Variants in SMURF2 observed in about 807,000 individuals in gnomAD.
SMURF2 encodes E3 ubiquitin-protein ligase SMURF2.
A neutral mutation model predicts 109.6 loss-of-function variants in SMURF2; 48 were observed. The ratio of observed to expected loss-of-function variants is 0.44; its 90% CI spans 0.35 to 0.56. The LOEUF (loss-of-function observed/expected upper bound fraction) is 0.56, where lower values mean the gene tolerates loss of function less well. Among genes scored for constraint, SMURF2 ranks in the 20% least tolerant of loss-of-function variants. The pLI is 0.01. For synonymous variants in SMURF2, 288 were observed against 317.1 expected, an observed-to-expected ratio of 0.91 and a Z score of 0.97; for missense variants, 575 against 909.0, an observed-to-expected ratio of 0.63 and a Z score of 4.72.
chr17:64,655,188 A>T (rs1433328054), intron 1 of SMURF2, among the ~76,000 whole-genome samples: 2 of 151,934 alleles, frequency 1.3e-5, no homozygotes, highest in Non-Finnish European at 2.9e-5. Context: ...GAGAAAACTA[A>T]ATAAACTTAG....
intron 16 of SMURF2, among the ~76,000 whole-genome samples, chr17:64,550,876 A>C (rs1555683545): frequency 6.6e-6 from 1 of 152,176 alleles, no homozygotes; most frequent in Non-Finnish European, 1.5e-5. Context: ...TGTAAAACTA[A>C]TTCAGAGTAG....
rs1459279794 is a variant in SMURF2, at chr17:64,546,265, A to G, written c.2145T>C (p.Thr715=). Residue 715 remains threonine, a splice_region_variant and synonymous_variant, in exon 18 of 19, where the codon ACT becomes ACC. Coordinates refer to ENST00000262435, the MANE Select transcript of SMURF2 (RefSeq NM_022739.4). The part of the protein sequence containing the change: ...ACTNNLPKAH[T]CFNRIDIPPY... Reference sequence around the variant, plus strand: ...ATACAGCTACAAAAATACCTTACCAAGTGTGGGCTTTCGGCAGGTTGTTAG... The same window carrying G: ...ATACAGCTACAAAAATACCTTACCAGGTGTGGGCTTTCGGCAGGTTGTTAG... 1.9e-6 allele frequency: 3 copies of G among 1,614,040 alleles called. No individual in the cohort carries two copies. Among genetic ancestry groups the G allele is most frequent in the Non-Finnish European group, 2.5e-6 (3 of 1,179,916 alleles).
rs782576707 is a variant in SMURF2 at position 64,547,811 on chromosome 17, T to C, written c.1870-10A>G. On this transcript the variant is annotated splice_polypyrimidine_tract_variant and intron_variant, in intron 16 of 18. Transcript: ENST00000262435. The surrounding 1 kb of genome is among the most constrained non-coding windows in gnomAD (Gnocchi z 4.2). Reference sequence around the variant, plus strand: ...GTCCACAAATAATGAGCTGTGAAAATAGTACACAGTAATGAACCTGTGGAA... The same window carrying C: ...GTCCACAAATAATGAGCTGTGAAAACAGTACACAGTAATGAACCTGTGGAA... 10 of 1,613,352 alleles carry C rather than the reference T, an allele frequency of 6.2e-6. No individual in the cohort carries two copies. Among genetic ancestry groups the C allele is most frequent in the South Asian group, 1.1e-5 (1 of 91,080 alleles).
intron 1 of SMURF2, among the ~76,000 whole-genome samples, chr17:64,621,343 G>T (rs1315676095): frequency 6.6e-6 from 1 of 152,246 alleles, no homozygotes; most frequent in African/African-American, 2.4e-5. Context: ...ACTTTGGGAG[G>T]CTGAGGTGGG....
chr17:64,559,709 C>G (rs1296097787), intron 12 of SMURF2, among the ~76,000 whole-genome samples: 2 of 150,928 alleles, frequency 1.3e-5, no homozygotes, highest in African/African-American at 4.9e-5. Context: ...AGTTTGAGAC[C>G]AGCCTGGGCA....
chr17:64,556,456 C>T (rs1969120971), intron 13 of SMURF2, among the ~76,000 whole-genome samples: 1 of 152,150 alleles, frequency 6.6e-6, no homozygotes, highest in Admixed American at 6.5e-5. Context: ...ATTAGAATCA[C>T]GATTCTGCCA....
chr17:64,546,186 T>A, intron 18 of SMURF2, 77 bp downstream of exon 18: 4 of 1,410,518 alleles, frequency 2.8e-6, no homozygotes, highest in Non-Finnish European at 4.0e-6. Context: ...GTAAGTACAA[T>A]AAATAAAAAG....
At chr17:64,609,100 C>T (rs570653142) in intron 1 of SMURF2, among the ~76,000 whole-genome samples, 3 of 152,158 alleles carry the variant, frequency 2.0e-5, no homozygotes, top group African/African-American at 7.2e-5. Flanking sequence ...AACTACAAAC[C>T]ACTGCTCAAC....
chr17:64,623,560 T>C (rs1157986214), intron 1 of SMURF2, among the ~76,000 whole-genome samples: 1 of 152,232 alleles, frequency 6.6e-6, no homozygotes, highest in African/African-American at 2.4e-5. Context: ...TTTTATTCCA[T>C]CGCAAGCCAG....
In SMURF2 at chr17:64,562,917, A is replaced by G. The variant is rs139585337; in HGVS notation, c.1066T>C (p.Cys356Arg). 6.2e-7 allele frequency: 1 copy of G among 1,614,092 alleles called. No individual in the cohort carries two copies. Among genetic ancestry groups the G allele is most frequent in the African/African-American group, 1.3e-5 (1 of 74,948 alleles). Residue 356 changes from cysteine to arginine, a missense_variant, in exon 11 of 19, where the codon TGT (cysteine) becomes CGT (arginine). Coordinates refer to ENST00000262435, the MANE Select transcript of SMURF2 (RefSeq NM_022739.4). ...GTCAGGCATTCTGTGTCATCAGGAC[A>G]TAACGATACCACTTGCTGTTGCTGT... is the stretch of plus-strand genomic sequence containing the variant. ...DQQQQQVVSL[C>R]PDDTECLTVP... is the part of the protein sequence containing the mutation.
rs1447046758 is a variant in SMURF2 at position 64,621,305 on chromosome 17, C to T, written c.53-14665G>A. 1.3e-5 allele frequency among the ~76,000 whole-genome samples: 2 copies of T among 152,224 alleles called. 1 individual carries two copies. The highest frequency in any genetic ancestry group is 4.1e-4 in the South Asian group (2 of 4,832). On this transcript the variant is annotated intron_variant, in intron 1 of 18. Coordinates refer to ENST00000262435, the MANE Select transcript of SMURF2 (RefSeq NM_022739.4). ...ACTATAAAAAGCACTGTAGGCTGGG[C>T]GTGCTGGCTCACGCCTGTAATCCCA...
chr17:64,593,399 A>G (rs1969775047), intron 4 of SMURF2, 41 bp downstream of exon 4: 2 of 1,583,666 alleles, frequency 1.3e-6, no homozygotes, highest in Non-Finnish European at 1.7e-6. Context: ...ACACACACAC[A>G]TATATGTTTT....
chr17:64,598,545 AT>A, intron 2 of SMURF2, 55 bp from the exon 3 acceptor site: 1 of 1,396,892 alleles, frequency 7.2e-7, no homozygotes, highest in Non-Finnish European at 9.8e-7. Flanking sequence ...TAGAAGATTA[AT>A]TATACAAGCA....
rs1280781821 is a variant in SMURF2, at chr17:64,542,593, A to G, written c.*3255T>C. 2.0e-5 allele frequency: 3 copies of G among 152,134 alleles called. No homozygotes were observed. The highest frequency in any genetic ancestry group is 4.4e-5 in the Non-Finnish European group (3 of 68,032). The allele number at this position is 152,134 out of a possible 1,614,324, so 9.4% of individuals were successfully genotyped here. A position where few individuals can be genotyped will look rare whatever the true frequency, so the allele number is the denominator to read the frequency against. Reference sequence around the variant, plus strand: ...TGGAACAATCATCCTAACATGTTAAATACCACAAATGGCACCCGTTGACTG... The same window carrying G: ...TGGAACAATCATCCTAACATGTTAAGTACCACAAATGGCACCCGTTGACTG... On this transcript the variant is annotated 3_prime_UTR_variant, in exon 19 of 19. Coordinates refer to ENST00000262435, the MANE Select transcript of SMURF2 (RefSeq NM_022739.4).
At chr17:64,568,523 A>G (rs781931467) in intron 10 of SMURF2, among the ~76,000 whole-genome samples, 51 of 152,208 alleles carry the variant, frequency 3.4e-4, no homozygotes, top group Admixed American at 9.2e-4. Context: ...TATGTTACAT[A>G]CTAAAGCAGC....
At chr17:64,624,771 CTG>C (rs1193886019) in intron 1 of SMURF2, among the ~76,000 whole-genome samples, 8 of 151,358 alleles carry the variant, frequency 5.3e-5, no homozygotes, top group Admixed American at 1.3e-4. Flanking sequence ...CTGCATTGAG[CTG>C]TGTGTTCATG....
At chr17:64,560,966 CAAA>C (rs782010996) in intron 12 of SMURF2, 104 of 59,622 alleles carry the variant, frequency 1.7e-3, no homozygotes, top group Middle Eastern at 0.011. Context: ...ACCCTGTCTC[CAAA>C]AAAAAAAAAA....
chr17:64,589,572 C>T (rs570089371), intron 5 of SMURF2, among the ~76,000 whole-genome samples: 12 of 151,802 alleles, frequency 7.9e-5, no homozygotes, highest in Admixed American at 2.0e-4. Flanking sequence ...CATTACCACC[C>T]GAGCTCTGCC....
rs375964961 is a variant in SMURF2, at chr17:64,611,551, G to A, written c.53-4911C>T. On this transcript the variant is annotated intron_variant, in intron 1 of 18. Coordinates refer to ENST00000262435, the MANE Select transcript of SMURF2 (RefSeq NM_022739.4). ...AGAAATCTCCATAGCAACCTTCACTGTATTCCCTCCTGACATCCTGACAAT... is the reference window on the plus strand; with the variant it reads ...AGAAATCTCCATAGCAACCTTCACTATATTCCCTCCTGACATCCTGACAAT... Among the ~76,000 whole-genome samples, 24 of 152,102 alleles carry A rather than the reference G, an allele frequency of 1.6e-4. 1 individual carries two copies. Among genetic ancestry groups the A allele is most frequent in the African/African-American group, 5.5e-4 (23 of 41,510 alleles).
Sources: allele counts gnomAD v4.1 joint callset (sites outside exome capture counted in the v4.1 genomes callset), GRCh38; gene constraint gnomAD v4.1.1; non-coding constraint Gnocchi (gnomAD v3.1); transcripts MANE v1.5; gene names NCBI Gene and HGNC (gene_info 2026-07-23, HGNC 2026-07-21).